Variants in PARP15 observed in about 807,000 individuals in gnomAD.
PARP15 encodes the protein poly(ADP-ribose) polymerase family member 15.
PARP15 carries 50 observed loss-of-function variants against 62.1 expected under a neutral mutation model. The ratio of observed to expected loss-of-function variants is 0.81; its 90% CI spans 0.64 to 1.02. The LOEUF (loss-of-function observed/expected upper bound fraction) is 1.02, where lower values mean the gene tolerates loss of function less well. Among genes scored for constraint, PARP15 ranks in the 50% least tolerant of loss-of-function variants. The pLI is 0.00. For missense variants in PARP15, 820 were observed against 826.5 expected, an observed-to-expected ratio of 0.99 and a Z score of 0.10; for synonymous variants, 309 against 293.1, an observed-to-expected ratio of 1.05 and a Z score of -0.55.
Position 122,621,500 on chromosome 3 carries a change from A to G in PARP15, c.1120A>G (p.Ile374Val), listed in dbSNP as rs760995919. The G allele has an allele frequency of 3.1e-6, 5 of 1,613,940 alleles. No individual in the cohort carries two copies. In the East Asian group the frequency reaches 8.9e-5, roughly 29 times the overall value. The change falls in exon 8 of 12, where the codon ATA becomes GTA. Residue 374 changes from isoleucine (I) to valine (V), a missense_variant. Ile to Val is a conservative substitution (Grantham distance 29). Around this residue, in one of 3 missense-constraint regions of PARP15, gnomAD observed 731 missense variants for 727.7 expected, o/e 1.00. Transcript: ENST00000464300. ...ITPGGCLKCKIIIHVPGGKDV... is the reference protein window; with the variant it reads ...ITPGGCLKCKVIIHVPGGKDV... ...ACCAGGTGGATGCTTAAAGTGCAAAATAATAATTCATGTTCCTGGGGGAAA... is the reference window on the plus strand; with the variant it reads ...ACCAGGTGGATGCTTAAAGTGCAAAGTAATAATTCATGTTCCTGGGGGAAA...
Position 122,609,157 on chromosome 3 carries a change from ATTTTG to A in PARP15, c.307-1313_307-1309del, listed in dbSNP as rs968807687. On this transcript the variant is annotated intron_variant, in intron 2 of 11. Coordinates refer to ENST00000464300, the MANE Select transcript of PARP15 (RefSeq NM_001113523.3). The stretch of plus-strand genomic sequence containing the variant: ...GTGAGGAGAACATGGGCTAGATCTA[ATTTTG>A]TTTTGTTTTGTTTTGTTTTGTTTCT... Among the ~76,000 whole-genome samples the A allele has an allele frequency of 4.1e-3, 618 of 152,172 alleles. 6 individuals are homozygous for A. Among genetic ancestry groups the A allele is most frequent in the African/African-American group, 0.014 (585 of 41,510 alleles).
chr3:122,615,313 A>C, intron 4 of PARP15: 1 of 1,290,340 alleles, frequency 7.7e-7, no homozygotes, highest in African/African-American at 1.5e-5. Flanking sequence ...TAAGAGATGA[A>C]GCATACTGTA....
intron 9 of PARP15, 51 bp from the exon 10 acceptor site, chr3:122,632,035 A>T: frequency 6.2e-7 from 1 of 1,611,676 alleles, no homozygotes; most frequent in South Asian, 1.1e-5. Context: ...CCTGATTTTC[A>T]GAGGTCTTTG....
intron 1 of PARP15, chr3:122,594,624 A>G (rs1021689753): frequency 1.1e-6 from 1 of 929,672 alleles, no homozygotes; most frequent in Non-Finnish European, 1.3e-6. Context: ...CTAACTTTAC[A>G]TAGAAATTAG....
At chr3:122,585,472 G>A (rs184658435) in intron 1 of PARP15, among the ~76,000 whole-genome samples, 282 of 152,340 alleles carry the variant, frequency 1.9e-3, no homozygotes, top group Admixed American at 0.016. Context: ...CTGTTATGGA[G>A]TGACATCAGG....
chr3:122,600,796 T>C (rs1033965035), intron 1 of PARP15, among the ~76,000 whole-genome samples: 4 of 151,890 alleles, frequency 2.6e-5, no homozygotes, highest in Non-Finnish European at 2.9e-5. Flanking sequence ...TATTACCTTT[T>C]TTTTTTTTAA....
intron 2 of PARP15, among the ~76,000 whole-genome samples, chr3:122,608,213 CTTTTTTTTTT>C (rs71136576): frequency 3.5e-5 from 4 of 113,910 alleles, no homozygotes; most frequent in East Asian, 4.6e-4. Context: ...TTTCTCTTTT[CTTTTTTTTTT>C]TTTTTTTTTT....
chr3:122,614,963 G>A, intron 4 of PARP15: 5 of 626,302 alleles, frequency 8.0e-6, no homozygotes, highest in Non-Finnish European at 9.9e-6. Flanking sequence ...CCAGGGGGTT[G>A]AGGCTGCAGT....
chr3:122,635,097 T>A lies in PARP15; in HGVS notation c.1650T>A (p.His550Gln). The A allele has an allele frequency of 6.2e-7, 1 of 1,614,048 alleles. No individual in the cohort carries two copies. Among genetic ancestry groups the A allele is most frequent in the Non-Finnish European group, 8.5e-7 (1 of 1,179,938 alleles). ...GGCAAATGGATATCAAGAATGACCA[T>A]AAGAATAATGAGAGACTCCTCTTCC... ...KKRQMDIKND[H>Q]KNNERLLFHG... Residue 550 changes from histidine to glutamine, a missense_variant, in exon 11 of 12, where the codon CAT becomes CAA. His to Gln is a conservative substitution (Grantham distance 24, BLOSUM62 0). Around this residue, in one of 3 missense-constraint regions of PARP15, gnomAD observed 731 missense variants for 727.7 expected, o/e 1.00. Coordinates refer to ENST00000464300, the MANE Select transcript of PARP15 (RefSeq NM_001113523.3).
chr3:122,629,764 G>A (rs547260258), intron 9 of PARP15, among the ~76,000 whole-genome samples: 129 of 152,220 alleles, frequency 8.5e-4, no homozygotes, highest in Non-Finnish European at 1.5e-3. Context: ...GGGGGTGATG[G>A]GAGACAGTGT....
At chr3:122,595,865 C>T (rs4678203) in intron 1 of PARP15, among the ~76,000 whole-genome samples, 105,432 of 151,892 alleles carry the variant, frequency 0.69, 39,081 homozygotes, top group East Asian at 0.9. Context: ...TTTCTCATTC[C>T]TCTTCTTTCC....
chr3:122,585,433 A>G (rs1355951431), intron 1 of PARP15, among the ~76,000 whole-genome samples: 1 of 152,228 alleles, frequency 6.6e-6, no homozygotes, highest in Non-Finnish European at 1.5e-5. Context: ...GCAAAGAGGT[A>G]GTGCTAAGAG....
chr3:122,625,107 C>T (rs1936620101), intron 8 of PARP15, among the ~76,000 whole-genome samples: 1 of 151,868 alleles, frequency 6.6e-6, no homozygotes, highest in South Asian at 2.1e-4. Flanking sequence ...CTATTATTAC[C>T]CCCAATTTCT....
chr3:122,577,847 G>C lies in PARP15; in HGVS notation c.180G>C (p.Arg60=). The C allele has an allele frequency of 6.5e-7, 1 of 1,548,142 alleles. No individual in the cohort carries two copies. Among genetic ancestry groups the C allele is most frequent in the Non-Finnish European group, 8.7e-7 (1 of 1,144,988 alleles). ...ARKASRRSSS[R]SMSRDNKFSK... is the part of the protein sequence containing the mutation. ...AGGCCTCCCGGCGCTCTTCCTCCCG[G>C]AGTATGGTGAGGAGCGCGGGGGACG... Residue 60 remains arginine (R), a synonymous_variant, in exon 1 of 12, where the codon CGG becomes CGC. Transcript: ENST00000464300.
intron 3 of PARP15, 130 bp from the exon 4 acceptor site, chr3:122,612,911 C>G (rs1331264406): frequency 1.7e-5 from 13 of 759,236 alleles, no homozygotes; most frequent in Admixed American, 2.5e-5. Context: ...TTTCCTCTTT[C>G]TGACTTCTCA....
chr3:122,612,291 G>A (rs1228821075), intron 3 of PARP15, among the ~76,000 whole-genome samples: 1 of 151,642 alleles, frequency 6.6e-6, no homozygotes, highest in Non-Finnish European at 1.5e-5. Context: ...AAGGACTCAA[G>A]CGATCTGCCC....
At chr3:122,584,877 C>G (rs184796316) in intron 1 of PARP15, among the ~76,000 whole-genome samples, 1 of 152,114 alleles carries the variant, frequency 6.6e-6, no homozygotes, top group Non-Finnish European at 1.5e-5. Context: ...CACGCCGGGC[C>G]CATTTCCATT....
intron 1 of PARP15, among the ~76,000 whole-genome samples, chr3:122,605,728 T>G (rs1220144090): frequency 6.6e-6 from 1 of 152,072 alleles, no homozygotes; most frequent in Non-Finnish European, 1.5e-5. Context: ...CACATGCCAC[T>G]GAGCCCGGCT....
rs758284154 is a variant in PARP15 at position 122,621,446 on chromosome 3, G to A, written c.1066G>A (p.Ala356Thr). The A allele has an allele frequency of 2.5e-6, 4 of 1,600,044 alleles. No homozygotes were observed. The South Asian group carries it at 4.5e-5, about 18-fold the overall frequency. ...AVESECAVLA[A>T]QPHRDFIITP... ...TGTTTTTCTTTCCTTTTTTTCAGCT[G>A]CACAGCCTCACAGAGATTTTATAAT... Residue 356 changes from alanine to threonine, a missense_variant and splice_region_variant, in exon 8 of 12, where the codon GCA becomes ACA. Physicochemically the swap from Ala to Thr is moderately conservative, Grantham distance 58. Around this residue, in one of 3 missense-constraint regions of PARP15, gnomAD observed 731 missense variants for 727.7 expected, o/e 1.00. Transcript: ENST00000464300.
Sources: allele counts gnomAD v4.1 joint callset (sites outside exome capture counted in the v4.1 genomes callset), GRCh38; gene constraint gnomAD v4.1.1; regional missense constraint gnomAD v4.1.1; transcripts MANE v1.5; gene names NCBI Gene and HGNC (gene_info 2026-07-23, HGNC 2026-07-21).